Variants in PCDHGB2 observed in about 807,000 individuals in gnomAD.
PCDHGB2 encodes protocadherin gamma-B2.
Under a neutral mutation model 59.3 loss-of-function variants are expected in PCDHGB2, and 55 were observed. The ratio of observed to expected loss-of-function variants is 0.93; its 90% confidence interval spans 0.75 to 1.16. The LOEUF (loss-of-function observed/expected upper bound fraction) is 1.16, where lower values mean the gene tolerates loss of function less well. Ranked by LOEUF, PCDHGB2 falls within the 50% of genes most tolerant of loss-of-function variation. PCDHGB2 has a pLI of 0.00. For missense variants in PCDHGB2, 1,228 were observed against 1,198.5 expected (o/e 1.02, Z -0.36); for synonymous variants, 516 against 512.0 (o/e 1.01, Z -0.11).
chr5:141,408,725 A>G, intron 1 of PCDHGB2: 1 of 1,610,988 alleles, frequency 6.2e-7, no homozygotes, highest in Non-Finnish European at 8.5e-7. Context: ...GATAAACTCT[A>G]ATCCTTATTT....
chr5:141,398,087 G>T (rs1377881034), intron 1 of PCDHGB2: 1 of 1,599,430 alleles, frequency 6.3e-7, no homozygotes, highest in African/African-American at 1.3e-5. Flanking sequence ...TTGTAACCTG[G>T]CGTCTCCAGG....
intron 1 of PCDHGB2, among the ~76,000 whole-genome samples, chr5:141,450,639 A>T (rs1390959433): frequency 6.6e-6 from 1 of 151,390 alleles, no homozygotes; most frequent in Non-Finnish European, 1.5e-5. Flanking sequence ...GATGCCTGCC[A>T]CCATGCCTGG....
intron 1 of PCDHGB2, among the ~76,000 whole-genome samples, chr5:141,401,180 A>G (rs1006390606): frequency 2.6e-5 from 4 of 152,196 alleles, no homozygotes; most frequent in Non-Finnish European, 5.9e-5. Context: ...CGTCTCTACT[A>G]AAAATACAAA....
rs756604175 is a variant in PCDHGB2 at position 141,375,747 on chromosome 5, A to C, written c.2421+13191A>C. 30 of 1,614,128 alleles carry C rather than the reference A, an allele frequency of 1.9e-5. No homozygotes were observed. The Admixed American group carries it at 5.0e-4, about 27-fold the overall frequency. ...TCACTGAGCCTGTTTGTGCTGGACC[A>C]GAATGACAATGCGCCCGAGATCCTG... is the stretch of plus-strand genomic sequence containing the variant. On this transcript the variant is annotated intron_variant, in intron 1 of 3. Transcript: ENST00000522605.
chr5:141,477,482 C>G lies in PCDHGB2; in HGVS notation c.2422-17325C>G, dbSNP rs1168724444. On this transcript the variant is annotated intron_variant, in intron 1 of 3. Transcript: ENST00000522605. This position sits in a 1 kb window ranked among gnomAD's most constrained non-coding sequence, Gnocchi z 4.9. ...GTCCGACATCAATGACAACCCTCCA[C>G]AATCTTCTCAATCTTCCTACGACGT... 1 of 1,614,118 alleles carries G rather than the reference C, an allele frequency of 6.2e-7. No individual in the cohort carries two copies. The highest frequency in any genetic ancestry group is 1.1e-5 in the South Asian group (1 of 91,074).
Position 141,432,149 on chromosome 5 carries a change from A to G in PCDHGB2, c.2422-62658A>G. The G allele has an allele frequency of 6.2e-7, 1 of 1,613,964 alleles. No individual in the cohort carries two copies. The highest frequency in any genetic ancestry group is 8.5e-7 in the Non-Finnish European group (1 of 1,179,986). On this transcript the variant is annotated intron_variant, in intron 1 of 3. Transcript: ENST00000522605. This position sits in a 1 kb window ranked among gnomAD's most constrained non-coding sequence, Gnocchi z 6.0. Reference sequence around the variant, plus strand: ...CTCCTATTCCGCTTATATCCCAGAGAACAATCCCAGAGGAGTTTCCCTCGT... The same window carrying G: ...CTCCTATTCCGCTTATATCCCAGAGGACAATCCCAGAGGAGTTTCCCTCGT...
In PCDHGB2 at chr5:141,491,841, A is replaced by T. The variant is rs995010359; in HGVS notation, c.2422-2966A>T. The T allele has an allele frequency of 1.4e-6, 2 of 1,465,172 alleles. No homozygotes were observed. The highest frequency in any genetic ancestry group is 1.4e-5 in the African/African-American group (1 of 69,948). 90.8% of individuals were successfully genotyped at this position (1,465,172 alleles called of 1,614,324 possible). ...TGCGCTCCACCCGATTCTCGGGATC[A>T]TTGGACCGTTTGCGCGAAACCAGAG... is the stretch of plus-strand genomic sequence containing the variant. On this transcript the variant is annotated intron_variant, in intron 1 of 3. Transcript: ENST00000522605. The surrounding 1 kb of genome is among the most constrained non-coding windows in gnomAD (Gnocchi z 6.9).
Position 141,478,516 on chromosome 5 carries a change from G to A in PCDHGB2, c.2422-16291G>A, listed in dbSNP as rs769702987. The A allele has an allele frequency of 4.3e-6, 7 of 1,610,992 alleles. No homozygotes were observed. In the African/African-American group the frequency reaches 8.0e-5, roughly 18 times the overall value. ...GTGATCCGGTGTTCTATAGGCAGGT[G>A]TTGGGTGCAGAGAGCGCCCCTCCCG... On this transcript the variant is annotated intron_variant, in intron 1 of 3. Transcript: ENST00000522605.
intron 1 of PCDHGB2, chr5:141,371,436 A>C: frequency 6.2e-7 from 1 of 1,613,990 alleles, no homozygotes; most frequent in Non-Finnish European, 8.5e-7. Flanking sequence ...CCCGGAGATA[A>C]CCCTGGCTTC....
At chr5:141,385,374 T>A in intron 1 of PCDHGB2, 1 of 1,523,876 alleles carries the variant, frequency 6.6e-7, no homozygotes, top group Non-Finnish European at 8.8e-7. Context: ...TGCATGATAT[T>A]TCTCTATTAT....
intron 1 of PCDHGB2, chr5:141,484,949 A>G: frequency 1.8e-6 from 1 of 557,402 alleles, no homozygotes; most frequent in East Asian, 3.1e-5. Flanking sequence ...TGCTCAGCCT[A>G]TTGGCTGAGC....
chr5:141,484,236 G>C (rs1272971014), intron 1 of PCDHGB2, among the ~76,000 whole-genome samples: 2 of 152,132 alleles, frequency 1.3e-5, no homozygotes, highest in Non-Finnish European at 2.9e-5. Context: ...AAGAGATCTG[G>C]TCCTTAGCAC....
In PCDHGB2 at chr5:141,381,826, C is replaced by CTTCTTTTTTTTTTT. The variant is rs1777532522; in HGVS notation, c.2421+19272_2421+19273insCTTTTTTTTTTTTT. On this transcript the variant is annotated intron_variant, in intron 1 of 3. Transcript: ENST00000522605. ...TTTCTTTCTTTCTTTCTTTCTTCTT[C>CTTCTTTTTTTTTTT]TTTTTTTTTTTTTTTTTTTTTTGGC... Among the ~76,000 whole-genome samples the CTTCTTTTTTTTTTT allele has an allele frequency of 5.4e-5, 4 of 74,282 alleles. 1 individual carries two copies. Among genetic ancestry groups the CTTCTTTTTTTTTTT allele is most frequent in the African/African-American group, 2.5e-4 (4 of 16,176 alleles). The allele number at this position is 74,282 out of a possible 152,430, so 48.7% of individuals were successfully genotyped here.
chr5:141,394,397 G>A, intron 1 of PCDHGB2: 1 of 1,614,212 alleles, frequency 6.2e-7, no homozygotes, highest in Non-Finnish European at 8.5e-7. Flanking sequence ...TCCGAGACCT[G>A]CAGCTACTGG....
At chr5:141,378,233 G>C (rs1449430240) in intron 1 of PCDHGB2, 1 of 152,134 alleles carries the variant, frequency 6.6e-6, no homozygotes, top group African/African-American at 2.4e-5. Context: ...TAGTATTTAA[G>C]AGTGAAAATG....
At chr5:141,458,735 A>G (rs2098952642) in intron 1 of PCDHGB2, among the ~76,000 whole-genome samples, 1 of 148,560 alleles carries the variant, frequency 6.7e-6, no homozygotes, top group East Asian at 2.0e-4. Context: ...ACATCCAGCT[A>G]TTGGTTTTGG....
chr5:141,408,043 A>G, intron 1 of PCDHGB2: 1 of 1,220,238 alleles, frequency 8.2e-7, no homozygotes, highest in Non-Finnish European at 1.1e-6. Context: ...ACCAGCTCCC[A>G]CACAGAGCCT....
intron 1 of PCDHGB2, among the ~76,000 whole-genome samples, chr5:141,446,193 T>C (rs1402824950): frequency 6.6e-6 from 1 of 152,208 alleles, no homozygotes; most frequent in East Asian, 1.9e-4. Flanking sequence ...TTTATTATTA[T>C]ATTCCTAGGT....
intron 1 of PCDHGB2, among the ~76,000 whole-genome samples, chr5:141,465,090 A>G (rs566511602): frequency 6.7e-6 from 1 of 149,576 alleles, no homozygotes; most frequent in Admixed American, 6.7e-5. Flanking sequence ...TCATTTTTCT[A>G]GTAGTTTTTT....
Sources: allele counts gnomAD v4.1 joint callset (sites outside exome capture counted in the v4.1 genomes callset), GRCh38; gene constraint gnomAD v4.1.1; non-coding constraint Gnocchi (gnomAD v3.1); transcripts MANE v1.5; gene names NCBI Gene and HGNC (gene_info 2026-07-23, HGNC 2026-07-21).